Variants in CFH observed in about 807,000 individuals in gnomAD.
The protein encoded by CFH is H factor 1 (complement).
CFH carries 53 observed loss-of-function variants against 147.3 expected under a neutral mutation model. That is an observed-to-expected ratio of 0.36 (90% CI 0.29 to 0.45). CFH has a LOEUF of 0.45. Ranked by LOEUF, CFH falls within the 20% of genes least tolerant of loss-of-function variation. The pLI is 1.00. For missense variants in CFH, 1,380 were observed against 1,498.0 expected (o/e 0.92, Z 1.30); for synonymous variants, 536 against 489.4 (o/e 1.10, Z -1.26).
At chr1:196,715,968 G>T (rs765112751) in intron 11 of CFH, among the ~76,000 whole-genome samples, 199 bp downstream of exon 11, 1 of 151,948 alleles carries the variant, frequency 6.6e-6, no homozygotes, top group Non-Finnish European at 1.5e-5. Flanking sequence ...TACTTCCTAT[G>T]GGCCACCTAC....
At chr1:196,714,701 A>AGAGAGAGAGAGAGAGAGAGAGAGAGAGG (rs1668823832) in intron 10 of CFH, among the ~76,000 whole-genome samples, 1 of 69,246 alleles carries the variant, frequency 1.4e-5, no homozygotes, top group Non-Finnish European at 2.6e-5. Context: ...AGAGAGAGAG[A>AGAGAGAGAGAGAGAGAGAGAGAGAGAGG]GAGAGAGAGA....
intron 3 of CFH, among the ~76,000 whole-genome samples, chr1:196,675,038 C>A (rs994906389): frequency 1.3e-5 from 2 of 152,180 alleles, no homozygotes; most frequent in Admixed American, 1.3e-4. Context: ...GATCTTATCA[C>A]ACATAACCAA....
At chr1:196,701,276 A>G (rs1175081718) in intron 9 of CFH, 1 of 1,613,532 alleles carries the variant, frequency 6.2e-7, no homozygotes, top group Admixed American at 1.7e-5. Context: ...AATCTCAGCA[A>G]GCCTAACTCA....
chr1:196,737,200 A>G (rs1175834279), intron 16 of CFH, among the ~76,000 whole-genome samples, 194 bp downstream of exon 16: 8 of 152,168 alleles, frequency 5.3e-5, no homozygotes, highest in Admixed American at 4.6e-4. Flanking sequence ...AAATCTTTGG[A>G]ATATTATGTA....
At chr1:196,655,604 C>A (rs1450075647) in intron 1 of CFH, among the ~76,000 whole-genome samples, 1 of 152,006 alleles carries the variant, frequency 6.6e-6, no homozygotes, top group African/African-American at 2.4e-5. Flanking sequence ...TTGCTTAATC[C>A]TCGATTGTTT....
intron 1 of CFH, among the ~76,000 whole-genome samples, chr1:196,668,306 A>G (rs547758744): frequency 1.5e-3 from 225 of 152,014 alleles, no homozygotes; most frequent in Non-Finnish European, 2.3e-3. Context: ...ATTTGCTTTC[A>G]TTTTTGAAGT....
chr1:196,726,117 T>G (rs34763899), intron 12 of CFH, among the ~76,000 whole-genome samples: 1,814 of 152,280 alleles, frequency 0.012, 36 homozygotes, highest in African/African-American at 0.041. Context: ...TCAAACTTTA[T>G]GTTGATCAAA....
intron 20 of CFH, 150 bp downstream of exon 20, chr1:196,743,778 A>G: frequency 8.6e-7 from 1 of 1,162,968 alleles, no homozygotes. Flanking sequence ...CTTCCTGTGA[A>G]CAGAACACAA....
chr1:196,692,501 TTC>T (rs929314289), intron 9 of CFH: 7 of 176,812 alleles, frequency 4.0e-5, no homozygotes, highest in East Asian at 1.9e-4. Context: ...TACTTATTTT[TTC>T]TCTTTCTTTC....
At chr1:196,733,775 G>A (rs897995677) in intron 15 of CFH, among the ~76,000 whole-genome samples, 1 of 152,072 alleles carries the variant, frequency 6.6e-6, no homozygotes, top group Non-Finnish European at 1.5e-5. Context: ...GTACCTGGAT[G>A]TATCACTGGG....
At chr1:196,714,664 TATATAGAGAGAGAGAGAGAGAG>T (rs1280371623) in intron 10 of CFH, among the ~76,000 whole-genome samples, 69 of 31,780 alleles carry the variant, frequency 2.2e-3, no homozygotes, top group Admixed American at 7.4e-3. Flanking sequence ...TATATATATA[TATATAGAGAGAGAGAGAGAGAG>T]AGAGAGAGAG....
intron 1 of CFH, among the ~76,000 whole-genome samples, chr1:196,669,392 C>T (rs1421463420): frequency 6.6e-6 from 1 of 152,158 alleles, no homozygotes; most frequent in Non-Finnish European, 1.5e-5. Context: ...TGTTAGTGAT[C>T]TTTAAGGCAG....
chr1:196,706,619 G>C (rs1307612624), intron 9 of CFH, among the ~76,000 whole-genome samples: 1 of 152,186 alleles, frequency 6.6e-6, no homozygotes, highest in Non-Finnish European at 1.5e-5. Context: ...AAAGGTTCTG[G>C]TGCCCAAGTA....
At chr1:196,675,377 G>A (rs761616934) in intron 3 of CFH, among the ~76,000 whole-genome samples, 1 of 152,098 alleles carries the variant, frequency 6.6e-6, no homozygotes, top group Non-Finnish European at 1.5e-5. Flanking sequence ...GATAGAGATG[G>A]AGAGATGGAG....
intron 1 of CFH, among the ~76,000 whole-genome samples, chr1:196,672,011 T>G (rs1284925694): frequency 1.3e-5 from 2 of 151,952 alleles, no homozygotes; most frequent in Non-Finnish European, 2.9e-5. Flanking sequence ...GAATACTAGT[T>G]GTGTATTTGA....
At chr1:196,690,873 C>T (rs1048809926) in intron 9 of CFH, among the ~76,000 whole-genome samples, 22 of 152,124 alleles carry the variant, frequency 1.4e-4, no homozygotes, top group Admixed American at 3.9e-4. Flanking sequence ...CGCCATGTTG[C>T]TTTCTCCTTA....
At chr1:196,713,594 A>AC in intron 9 of CFH, 141 bp from the exon 10 acceptor site, 1 of 577,990 alleles carries the variant, frequency 1.7e-6, no homozygotes, top group Non-Finnish European at 3.0e-6. Flanking sequence ...ATTTTCCTTG[A>AC]CTTAAGTATT....
At chr1:196,730,966 T>C (rs1320101059) in intron 15 of CFH, among the ~76,000 whole-genome samples, 1 of 151,844 alleles carries the variant, frequency 6.6e-6, no homozygotes, top group Non-Finnish European at 1.5e-5. Context: ...TGAATTTACG[T>C]TACAGTGAAG....
At chr1:196,683,664 G>T (rs1158721747) in intron 6 of CFH, among the ~76,000 whole-genome samples, 1 of 151,540 alleles carries the variant, frequency 6.6e-6, no homozygotes, top group East Asian at 1.9e-4. Flanking sequence ...GAAAATGAAA[G>T]AATTAAAGCT....
Sources: gnomAD v4.1 joint callset for allele counts (sites outside exome capture counted in the v4.1 genomes callset) on GRCh38, gnomAD v4.1.1 for gene constraint, MANE v1.5 for transcripts, NCBI Gene and HGNC (gene_info 2026-07-23, HGNC 2026-07-21) for gene names.